Variants in IGF2BP3 observed in about 807,000 individuals in gnomAD.
IGF2BP3 encodes insulin-like growth factor 2 mRNA-binding protein 3.
IGF2BP3 carries 9 observed loss-of-function variants against 73.8 expected under a neutral mutation model. That is an observed-to-expected ratio of 0.12 (90% CI 0.07 to 0.21). The LOEUF (loss-of-function observed/expected upper bound fraction) is 0.21. Among genes scored for constraint, IGF2BP3 ranks in the 10% least tolerant of loss-of-function variants. The pLI, the probability that IGF2BP3 is intolerant of heterozygous loss-of-function variation, is 1.00. For synonymous variants in IGF2BP3, 258 were observed against 256.7 expected (o/e 1.01, Z -0.05); for missense variants, 542 against 714.0 (o/e 0.76, Z 2.75).
chr7:23,358,515 G>A (rs866635643), intron 5 of IGF2BP3, among the ~76,000 whole-genome samples: 17 of 152,250 alleles, frequency 1.1e-4, no homozygotes, highest in Admixed American at 1.1e-3. Context: ...AAGCAGCCCA[G>A]AACCAGTGGG....
chr7:23,392,998 C>CA (rs1222574654), intron 3 of IGF2BP3, among the ~76,000 whole-genome samples: 2 of 152,126 alleles, frequency 1.3e-5, no homozygotes, highest in Non-Finnish European at 2.9e-5. Context: ...GGCCACTCAT[C>CA]AATTTCTTAG....
At chr7:23,461,136 G>C (rs776893080) in intron 2 of IGF2BP3, among the ~76,000 whole-genome samples, 38 of 152,092 alleles carry the variant, frequency 2.5e-4, no homozygotes, top group Middle Eastern at 6.8e-3. Flanking sequence ...ACTCTCGGTG[G>C]TATTCTACAC....
At chr7:23,332,951 G>A (rs576951462) in intron 10 of IGF2BP3, among the ~76,000 whole-genome samples, 7 of 152,342 alleles carry the variant, frequency 4.6e-5, no homozygotes, top group Admixed American at 6.5e-5. Flanking sequence ...CTTGGGGGAA[G>A]CTGGTGGTGA....
intron 3 of IGF2BP3, among the ~76,000 whole-genome samples, chr7:23,393,422 C>CA (rs1341075198): frequency 1.3e-5 from 2 of 152,156 alleles, no homozygotes; most frequent in Non-Finnish European, 2.9e-5. Flanking sequence ...CAAATGTCAA[C>CA]AAATGTCAAG....
At chr7:23,443,940 C>T (rs1460302032) in intron 2 of IGF2BP3, among the ~76,000 whole-genome samples, 3 of 152,070 alleles carry the variant, frequency 2.0e-5, no homozygotes, top group Admixed American at 6.6e-5. Flanking sequence ...ACCCAGGAGG[C>T]GGAGGATGCA....
rs968297808 is a variant in IGF2BP3, at chr7:23,310,806, T to TTA, written c.*1554_*1555dup. The TTA allele has an allele frequency of 6.6e-5, 10 of 151,938 alleles. No individual in the cohort carries two copies. Among genetic ancestry groups the TTA allele is most frequent in the Non-Finnish European group, 1.0e-4 (7 of 67,990 alleles). 9.4% of individuals were successfully genotyped at this position (151,938 alleles called of 1,614,324 possible). A position where few individuals can be genotyped will look rare whatever the true frequency, so the allele number is the denominator to read the frequency against. On this transcript the variant is annotated 3_prime_UTR_variant, in exon 15 of 15. Coordinates refer to ENST00000258729, the MANE Select transcript of IGF2BP3 (RefSeq NM_006547.3). ...AGGCAGTGATTTTTTTTTTAAAGGG[T>TTA]TATATATATGTCCTTTAGATCAGTG...
chr7:23,465,858 T>C (rs1280863404), intron 2 of IGF2BP3, among the ~76,000 whole-genome samples: 2 of 152,216 alleles, frequency 1.3e-5, no homozygotes, highest in African/African-American at 2.4e-5. Flanking sequence ...GTACAACCTC[T>C]TGACCTTCCC....
Position 23,469,801 on chromosome 7 carries a change from G to T in IGF2BP3, c.175+135C>A. 5.0e-6 allele frequency: 2 copies of T among 403,992 alleles called. No individual in the cohort carries two copies. Among genetic ancestry groups the T allele is most frequent in the Non-Finnish European group, 8.2e-6 (2 of 243,316 alleles). 25.0% of individuals were successfully genotyped at this position (403,992 alleles called of 1,614,324 possible). ...GAGGAGAGCCCCGGCCCCCACGCGCGTGGGTGTGGGCGCTCAGGCCTCACC... is the reference window on the plus strand; with the variant it reads ...GAGGAGAGCCCCGGCCCCCACGCGCTTGGGTGTGGGCGCTCAGGCCTCACC... On this transcript the variant is annotated intron_variant, in intron 1 of 14. Transcript: ENST00000258729. The surrounding 1 kb of genome is among the most constrained non-coding windows in gnomAD (Gnocchi z 6.1).
intron 5 of IGF2BP3, among the ~76,000 whole-genome samples, chr7:23,360,438 G>C (rs555498765): frequency 6.6e-6 from 1 of 152,308 alleles, no homozygotes; most frequent in Non-Finnish European, 1.5e-5. Flanking sequence ...CATACATGTA[G>C]CATTTGTTTT....
chr7:23,355,322 T>C (rs1046083801), intron 5 of IGF2BP3, among the ~76,000 whole-genome samples: 1 of 152,026 alleles, frequency 6.6e-6, no homozygotes, highest in African/African-American at 2.4e-5. Flanking sequence ...CCTCCTTGGT[T>C]TGAGCAATTC....
At chr7:23,315,888 T>G (rs1783976279) in intron 12 of IGF2BP3, among the ~76,000 whole-genome samples, 1 of 152,226 alleles carries the variant, frequency 6.6e-6, no homozygotes, top group South Asian at 2.1e-4. Context: ...GTGTTACATT[T>G]AAGTTAACTA....
chr7:23,463,114 T>A (rs563623484), intron 2 of IGF2BP3, among the ~76,000 whole-genome samples: 1 of 152,204 alleles, frequency 6.6e-6, no homozygotes, highest in Admixed American at 6.5e-5. Flanking sequence ...CAGCTAACCA[T>A]CTCGTCTTTC....
intron 2 of IGF2BP3, among the ~76,000 whole-genome samples, chr7:23,460,546 A>C (rs896443318): frequency 1.3e-5 from 2 of 150,420 alleles, no homozygotes; most frequent in African/African-American, 2.5e-5. Flanking sequence ...AAAAAAAAAG[A>C]GTAGATCAAT....
intron 10 of IGF2BP3, among the ~76,000 whole-genome samples, chr7:23,319,601 C>T (rs904106735): frequency 1.2e-4 from 19 of 152,250 alleles, no homozygotes; most frequent in Non-Finnish European, 2.5e-4. Flanking sequence ...CCCCCTACCA[C>T]TCTCAAGGTA....
In IGF2BP3 at chr7:23,450,375, T is replaced by C. The variant is rs536581090; in HGVS notation, c.236+18107A>G. On this transcript the variant is annotated intron_variant, in intron 2 of 14. Coordinates refer to ENST00000258729, the MANE Select transcript of IGF2BP3 (RefSeq NM_006547.3). ...TAAAAACTTGAGTATCTGGCAGATA[T>C]TTTCTCAAAAAGGAATAAAATGAGT... 2.0e-5 allele frequency among the ~76,000 whole-genome samples: 3 copies of C among 152,266 alleles called. No homozygotes were observed. In the East Asian group the frequency reaches 5.8e-4, roughly 29 times the overall value.
chr7:23,460,524 T>G (rs979190485), intron 2 of IGF2BP3, among the ~76,000 whole-genome samples: 3 of 129,376 alleles, frequency 2.3e-5, no homozygotes, highest in Non-Finnish European at 4.9e-5. Context: ...AGAGTGAAAC[T>G]CCATCTCAAA....
intron 3 of IGF2BP3, among the ~76,000 whole-genome samples, chr7:23,407,540 A>G (rs932326111): frequency 8.0e-5 from 12 of 149,910 alleles, no homozygotes; most frequent in African/African-American, 2.7e-4. Context: ...ACCAGGAGGC[A>G]GAGGTTGTGG....
At chr7:23,459,080 G>C (rs1441097074) in intron 2 of IGF2BP3, among the ~76,000 whole-genome samples, 1 of 152,158 alleles carries the variant, frequency 6.6e-6, no homozygotes, top group Non-Finnish European at 1.5e-5. Context: ...ATTTTTATTA[G>C]TTTTCCTTTC....
intron 2 of IGF2BP3, among the ~76,000 whole-genome samples, chr7:23,456,940 T>G (rs1384561065): frequency 4.6e-5 from 7 of 152,000 alleles, no homozygotes; most frequent in South Asian, 2.1e-4. Context: ...TCGCAGCTAC[T>G]CGGGAGGCTG....
Sources: allele counts gnomAD v4.1 joint callset (sites outside exome capture counted in the v4.1 genomes callset), GRCh38; gene constraint gnomAD v4.1.1; non-coding constraint Gnocchi (gnomAD v3.1); transcripts MANE v1.5; gene names NCBI Gene and HGNC (gene_info 2026-07-23, HGNC 2026-07-21).